The following RBMS1 variants were observed in gnomAD, a reference collection of about 807,000 sequenced individuals.
The protein encoded by RBMS1 is RNA-binding motif, single-stranded-interacting protein 1.
In RBMS1, 17 loss-of-function variants were observed where a neutral mutation model predicts 62.3. That is an observed-to-expected ratio of 0.27 (90% CI 0.19 to 0.41). The LOEUF (loss-of-function observed/expected upper bound fraction) is 0.41, where lower values mean the gene tolerates loss of function less well. Ranked by LOEUF, RBMS1 falls within the 10% of genes least tolerant of loss-of-function variation. The pLI is 1.00. For missense variants in RBMS1, 334 were observed against 504.5 expected (o/e 0.66, Z 3.24); for synonymous variants, 172 against 170.0 (o/e 1.01, Z -0.09).
intron 1 of RBMS1, among the ~76,000 whole-genome samples, chr2:160,486,528 ACCCAGCAG>A (rs1417666468): frequency 6.6e-6 from 1 of 152,086 alleles, no homozygotes; most frequent in East Asian, 1.9e-4. Flanking sequence ...TTTATCTGGG[ACCCAGCAG>A]CCCAACTGCA....
chr2:160,404,013 T>TA (rs1229601128), intron 1 of RBMS1, among the ~76,000 whole-genome samples: 1 of 152,260 alleles, frequency 6.6e-6, no homozygotes, highest in East Asian at 1.9e-4. Flanking sequence ...AAAGTCCTGA[T>TA]AAATGGTTTC....
chr2:160,424,312 C>T (rs1279758034), intron 1 of RBMS1, among the ~76,000 whole-genome samples: 1 of 151,592 alleles, frequency 6.6e-6, no homozygotes, highest in African/African-American at 2.4e-5. Context: ...AGCCACCGCA[C>T]CCAGCCAAGT....
intron 1 of RBMS1, among the ~76,000 whole-genome samples, chr2:160,489,447 G>A (rs150674629): frequency 5.7e-4 from 87 of 152,196 alleles, no homozygotes; most frequent in Non-Finnish European, 3.2e-4. Context: ...ACAGTTTTAT[G>A]TATCAAATCA....
At chr2:160,422,296 G>A (rs1040284465) in intron 1 of RBMS1, among the ~76,000 whole-genome samples, 2 of 152,166 alleles carry the variant, frequency 1.3e-5, no homozygotes, top group Admixed American at 1.3e-4. Flanking sequence ...AGGGGGTCGT[G>A]AGTAAGCCTG....
At chr2:160,427,712 G>A (rs1253549330) in intron 1 of RBMS1, among the ~76,000 whole-genome samples, 1 of 152,110 alleles carries the variant, frequency 6.6e-6, no homozygotes, top group African/African-American at 2.4e-5. Context: ...GGTTTCTGTT[G>A]GGTATTATTT....
intron 4 of RBMS1, among the ~76,000 whole-genome samples, chr2:160,309,004 T>C (rs557317529): frequency 6.6e-6 from 1 of 152,272 alleles, no homozygotes; most frequent in Non-Finnish European, 1.5e-5. Flanking sequence ...TCTTAACAGA[T>C]TGCTAAAATA....
chr2:160,466,026 A>G (rs1160072925), intron 1 of RBMS1, among the ~76,000 whole-genome samples: 2 of 152,238 alleles, frequency 1.3e-5, no homozygotes, highest in Non-Finnish European at 2.9e-5. Flanking sequence ...ATGTATGACT[A>G]TCATATGGAA....
intron 2 of RBMS1, among the ~76,000 whole-genome samples, chr2:160,321,854 A>C (rs1690578746): frequency 6.6e-6 from 1 of 152,190 alleles, no homozygotes; most frequent in Non-Finnish European, 1.5e-5. Context: ...CATGCAAAAA[A>C]CACATAATAG....
intron 6 of RBMS1, among the ~76,000 whole-genome samples, chr2:160,296,661 A>G (rs1688949211): frequency 6.6e-6 from 1 of 152,218 alleles, no homozygotes; most frequent in East Asian, 1.9e-4. Context: ...AAAAACTGGG[A>G]TAAATATTCT....
chr2:160,286,221 G>T (rs1688381362), intron 7 of RBMS1, among the ~76,000 whole-genome samples: 1 of 148,174 alleles, frequency 6.7e-6, no homozygotes, highest in Admixed American at 6.6e-5. Context: ...GACTGCTTGA[G>T]CACAGGAGTT....
rs141900336 is a variant in RBMS1, at chr2:160,318,079, G to A, written c.310+90C>T. The A allele has an allele frequency of 1.9e-5, 29 of 1,535,822 alleles. No individual in the cohort carries two copies. The African/African-American group carries it at 2.7e-4, about 14-fold the overall frequency. Reference sequence around the variant, plus strand: ...TATAAGATCTGGTTTTTAATAAAACGAAGGTGGTTTTGAAACCAAAGATCA... The same window carrying A: ...TATAAGATCTGGTTTTTAATAAAACAAAGGTGGTTTTGAAACCAAAGATCA... On this transcript the variant is annotated intron_variant, in intron 3 of 13. Coordinates refer to ENST00000348849, the MANE Select transcript of RBMS1 (RefSeq NM_016836.4).
chr2:160,314,052 G>A (rs887929507), intron 3 of RBMS1, among the ~76,000 whole-genome samples: 13 of 152,160 alleles, frequency 8.5e-5, no homozygotes, highest in African/African-American at 2.9e-4. Context: ...AGGGGAAAAG[G>A]GGGGCTGGGG....
chr2:160,313,218 C>T lies in RBMS1; in HGVS notation c.340G>A (p.Ala114Thr), dbSNP rs1442048880. ...GCAGACACAGCTTTTTGAGCTGCTG[C>T]AGGGCTGTCAAAGTCGACAAAACCA... ...GYGFVDFDSP[A>T]AAQKAVSALK... Residue 114 changes from alanine to threonine, a missense_variant, in exon 4 of 14, where the codon GCA becomes ACA. This residue lies in a region of RBMS1 where 150 missense variants were observed against 228.0 expected (regional missense o/e 0.66). Coordinates refer to ENST00000348849, the MANE Select transcript of RBMS1 (RefSeq NM_016836.4). 2 of 1,613,276 alleles carry T rather than the reference C, an allele frequency of 1.2e-6. No homozygotes were observed. The highest frequency in any genetic ancestry group is 2.7e-5 in the African/African-American group (2 of 74,914).
At position 160,367,213 on chromosome 2, in the gene RBMS1, T is replaced by TA. The variant is rs1463138595; in HGVS notation, c.251+2dup. ...TAAAATAATAGGAACAACTACTACT[T>TA]ACGGTTGACAGAGCTTCACCAGGTC... On this transcript the variant is annotated splice_region_variant and intron_variant, in intron 2 of 13. Coordinates refer to ENST00000348849, the MANE Select transcript of RBMS1 (RefSeq NM_016836.4). 1 of 1,611,930 alleles carries TA rather than the reference T, an allele frequency of 6.2e-7. No homozygotes were observed. The highest frequency in any genetic ancestry group is 8.5e-7 in the Non-Finnish European group (1 of 1,178,912).
intron 1 of RBMS1, among the ~76,000 whole-genome samples, chr2:160,446,780 C>T (rs541136599): frequency 6.6e-6 from 1 of 152,294 alleles, no homozygotes; most frequent in South Asian, 2.1e-4. Context: ...ACTGCTGTCC[C>T]CTCCGGTTGA....
intron 6 of RBMS1, among the ~76,000 whole-genome samples, chr2:160,297,135 A>G (rs935754420): frequency 2.6e-5 from 4 of 152,230 alleles, no homozygotes; most frequent in African/African-American, 9.6e-5. Flanking sequence ...GATCTGGGAT[A>G]CAGATTGGGA....
intron 10 of RBMS1, among the ~76,000 whole-genome samples, chr2:160,281,100 T>C (rs75226398): frequency 6.6e-6 from 1 of 152,202 alleles, no homozygotes; most frequent in Non-Finnish European, 1.5e-5. Flanking sequence ...AAATATGATA[T>C]ATTTTAAGTT....
intron 1 of RBMS1, among the ~76,000 whole-genome samples, chr2:160,465,374 T>C (rs181176574): frequency 2.6e-5 from 4 of 152,352 alleles, no homozygotes; most frequent in Admixed American, 6.5e-5. Flanking sequence ...TACTCGATAT[T>C]GTTGGCTAAC....
intron 1 of RBMS1, among the ~76,000 whole-genome samples, chr2:160,426,068 A>G (rs1682546772): frequency 6.6e-6 from 1 of 152,046 alleles, no homozygotes; most frequent in African/African-American, 2.4e-5. Context: ...AAGTTATTAA[A>G]TTATTTCCAT....
Sources: gnomAD v4.1 joint callset for allele counts (sites outside exome capture counted in the v4.1 genomes callset) on GRCh38, gnomAD v4.1.1 for gene constraint, gnomAD v4.1.1 regional missense constraint, MANE v1.5 for transcripts, NCBI Gene and HGNC (gene_info 2026-07-23, HGNC 2026-07-21) for gene names.